Variants in TUT7 observed in about 807,000 individuals in gnomAD.
TUT7 encodes the protein terminal uridylyl transferase 7, also known as terminal uridylyltransferase 7.
A neutral mutation model predicts 165.9 loss-of-function variants in TUT7; 33 were observed. That is an observed-to-expected ratio of 0.20 (90% CI 0.15 to 0.27). TUT7 has a LOEUF of 0.27. TUT7 is among the 10% of genes least tolerant of loss of function. TUT7 has a pLI of 1.00. For missense variants in TUT7, 1,338 were observed against 1,762.3 expected (o/e 0.76, Z 4.31); for synonymous variants, 552 against 608.1 (o/e 0.91, Z 1.36).
At chr9:86,342,510 C>T (rs1048614108) in intron 6 of TUT7, among the ~76,000 whole-genome samples, 14 of 152,058 alleles carry the variant, frequency 9.2e-5, no homozygotes, top group Admixed American at 2.6e-4. Flanking sequence ...CTTCTGGGCT[C>T]GTGATCCTCC....
At position 86,345,736 on chromosome 9, in the gene TUT7, A is replaced by T. The variant is rs755077966; in HGVS notation, c.752T>A (p.Val251Asp). ...TAKYTCRLCD[V>D]LIESIAFAHK... ...GGCAAATGCAATGGATTCAATTAAAACATCACAGAGTCTGCAGGTGTACTT... is the reference window on the plus strand; with the variant it reads ...GGCAAATGCAATGGATTCAATTAAATCATCACAGAGTCTGCAGGTGTACTT... The change falls in exon 4 of 27, where the codon GTT becomes GAT. Residue 251 changes from valine (V) to aspartate (D), a missense_variant. Coordinates refer to ENST00000375963, the MANE Select transcript of TUT7 (RefSeq NM_024617.4). 6.2e-7 allele frequency: 1 copy of T among 1,613,742 alleles called. No individual in the cohort carries two copies. Among genetic ancestry groups the T allele is most frequent in the East Asian group, 2.2e-5 (1 of 44,860 alleles).
chr9:86,348,228 C>T (rs1831943480), intron 2 of TUT7, among the ~76,000 whole-genome samples: 1 of 152,182 alleles, frequency 6.6e-6, no homozygotes, highest in South Asian at 2.1e-4. Flanking sequence ...TGCTTTTATA[C>T]AGAAGTGGAT....
chr9:86,315,298 C>T (rs546326681), intron 17 of TUT7, among the ~76,000 whole-genome samples: 1 of 152,232 alleles, frequency 6.6e-6, no homozygotes, highest in South Asian at 2.1e-4. Context: ...CATCTGTGTG[C>T]CTAAGTCATT....
At chr9:86,325,696 T>C (rs1189798935) in intron 11 of TUT7, among the ~76,000 whole-genome samples, 182 bp from the exon 12 acceptor site, 1 of 152,234 alleles carries the variant, frequency 6.6e-6, no homozygotes, top group African/African-American at 2.4e-5. Flanking sequence ...ACAGCATTAC[T>C]TCACTGCACT....
chr9:86,352,168 C>T (rs945149808), intron 2 of TUT7, among the ~76,000 whole-genome samples: 2 of 152,070 alleles, frequency 1.3e-5, no homozygotes, highest in East Asian at 1.9e-4. Flanking sequence ...TTATCCATCT[C>T]GGGACACTGA....
At position 86,323,967 on chromosome 9, in the gene TUT7, T is replaced by C. The variant is rs1829559792; in HGVS notation, c.1790-7A>G. The C allele has an allele frequency of 1.3e-6, 2 of 1,517,618 alleles. No homozygotes were observed. The highest frequency in any genetic ancestry group is 1.4e-5 in the African/African-American group (1 of 71,156). 94.0% of individuals were successfully genotyped at this position (1,517,618 alleles called of 1,614,324 possible). A position where few individuals can be genotyped will look rare whatever the true frequency, so the allele number is the denominator to read the frequency against. ...CTTTTAACAGAGTAGGGATCTGTAA[T>C]AAAAAAAAGAAAGAAAGAAAAATCC... On this transcript the variant is annotated splice_region_variant and splice_polypyrimidine_tract_variant and intron_variant, in intron 12 of 26. Transcript: ENST00000375963.
At chr9:86,322,015 G>T (rs928989492) in intron 14 of TUT7, among the ~76,000 whole-genome samples, 3 of 152,000 alleles carry the variant, frequency 2.0e-5, no homozygotes, top group African/African-American at 4.8e-5. Flanking sequence ...GGTCGAGGCT[G>T]CAGTGACTCA....
chr9:86,326,324 C>G (rs1829795876), intron 11 of TUT7: 2 of 154,544 alleles, frequency 1.3e-5, no homozygotes, highest in African/African-American at 2.4e-5. Context: ...TATAATCTGT[C>G]TAAGTCTGGG....
intron 8 of TUT7, among the ~76,000 whole-genome samples, chr9:86,339,666 A>AGGCAGAGAGAGATAAACCAGAG (rs1257462311): frequency 4.6e-5 from 7 of 152,348 alleles, no homozygotes; most frequent in African/African-American, 1.4e-4. Context: ...TTTCACACAG[A>AGGCAGAGAGAGATAAACCAGAG]GGCAGAGAGA....
At position 86,323,497 on chromosome 9, in the gene TUT7, C is replaced by T; in HGVS notation, c.2253G>A (p.Glu751=). The T allele has an allele frequency of 6.2e-7, 1 of 1,614,212 alleles. No individual in the cohort carries two copies. Among genetic ancestry groups the T allele is most frequent in the Non-Finnish European group, 8.5e-7 (1 of 1,180,044 alleles). Residue 751 remains glutamate (E), a synonymous_variant, in exon 13 of 27, where the codon GAG becomes GAA. Transcript: ENST00000375963. ...TGCCCTTCCTTCCAACTTTCTCTTT[C>T]TCGTTTTTCCTTCCTGTTTCTGGAT... ...VYHPETGRKN[E]KEKVGRKGKH...
rs902875510 is a variant in TUT7 at position 86,311,699 on chromosome 9, C to T, written c.3275-890G>A. On this transcript the variant is annotated intron_variant, in intron 17 of 26. Transcript: ENST00000375963. The surrounding 1 kb of genome is among the most constrained non-coding windows in gnomAD (Gnocchi z 4.4). Reference sequence around the variant, plus strand: ...AAGCTGGACTGTACCGCTGCCATCTCGGCTCACTGCAACCTCCCTGCCTGA... The same window carrying T: ...AAGCTGGACTGTACCGCTGCCATCTTGGCTCACTGCAACCTCCCTGCCTGA... Among the ~76,000 whole-genome samples, 15 of 152,254 alleles carry T rather than the reference C, an allele frequency of 9.9e-5. 1 individual carries two copies. The highest frequency in any genetic ancestry group is 3.4e-4 in the African/African-American group (14 of 41,560).
intron 14 of TUT7, 34 bp downstream of exon 14, chr9:86,322,291 T>C: frequency 6.3e-7 from 1 of 1,588,268 alleles, no homozygotes; most frequent in Non-Finnish European, 8.6e-7. Context: ...CAATTTAATA[T>C]TTTGACAAAT....
At chr9:86,330,519 A>C (rs1168784598) in intron 10 of TUT7, among the ~76,000 whole-genome samples, 2 of 152,210 alleles carry the variant, frequency 1.3e-5, no homozygotes, top group Admixed American at 1.3e-4. Flanking sequence ...GTATGTATTC[A>C]ATATTTTTCT....
chr9:86,352,572 G>A lies in TUT7; in HGVS notation c.520+108C>T, dbSNP rs772318479. On this transcript the variant is annotated intron_variant, in intron 2 of 26. Transcript: ENST00000375963. ...GTGACCATTTCTTAAAACAGAAACT[G>A]TGAAAAACTGAAACTAAATTGCTGA... The A allele has an allele frequency of 1.5e-5, 20 of 1,311,826 alleles. No individual in the cohort carries two copies. In the South Asian group the frequency reaches 1.9e-4, roughly 13 times the overall value. The allele number at this position is 1,311,826 out of a possible 1,614,324, so 81.3% of individuals were successfully genotyped here.
rs148091829 is a variant in TUT7 at position 86,322,467 on chromosome 9, C to T, written c.2886G>A (p.Thr962=). The part of the protein sequence containing the change: ...KLIFTKGKSP[T]VVCSLCKREG... Reference sequence around the variant, plus strand: ...CTCGTTTGCATAAGCTGCACACTACCGTAGGAGACTGCAGGAATATGGCAA... The same window carrying T: ...CTCGTTTGCATAAGCTGCACACTACTGTAGGAGACTGCAGGAATATGGCAA... Residue 962 remains threonine, a synonymous_variant, in exon 14 of 27, where the codon ACG becomes ACA. Coordinates refer to ENST00000375963, the MANE Select transcript of TUT7 (RefSeq NM_024617.4). 6.2e-7 allele frequency: 1 copy of T among 1,609,440 alleles called. No homozygotes were observed. Among genetic ancestry groups the T allele is most frequent in the Non-Finnish European group, 8.5e-7 (1 of 1,178,744 alleles).
At position 86,322,954 on chromosome 9, in the gene TUT7, A is replaced by T. The variant is rs1829454004; in HGVS notation, c.2796T>A (p.Asn932Lys). 6.2e-7 allele frequency: 1 copy of T among 1,613,274 alleles called. No individual in the cohort carries two copies. Among genetic ancestry groups the T allele is most frequent in the Non-Finnish European group, 8.5e-7 (1 of 1,179,858 alleles). Residue 932 changes from asparagine to lysine, a missense_variant, in exon 13 of 27, where the codon AAT (asparagine) becomes AAA (lysine). Physicochemically the swap from Asn to Lys is moderately conservative, Grantham distance 94 (BLOSUM62 0). This residue lies in a region of TUT7 where 425 missense variants were observed against 474.9 expected (regional missense o/e 0.89). Coordinates refer to ENST00000375963, the MANE Select transcript of TUT7 (RefSeq NM_024617.4). Reference protein sequence around the residue: ...ELNKISLKEENVCEEKNSPVD... With the variant: ...ELNKISLKEEKVCEEKNSPVD... Reference sequence around the variant, plus strand: ...CAGGTGAATTTTTTTCTTCACATACATTTTCTTCCTTGAGACTTATTTTAT... The same window carrying T: ...CAGGTGAATTTTTTTCTTCACATACTTTTTCTTCCTTGAGACTTATTTTAT...
chr9:86,348,804 A>G (rs1341639654), intron 2 of TUT7, among the ~76,000 whole-genome samples: 1 of 152,086 alleles, frequency 6.6e-6, no homozygotes, highest in Non-Finnish European at 1.5e-5. Flanking sequence ...CCTTCTAACT[A>G]ACAACATAAA....
At chr9:86,306,399 C>T (rs1039646266) in intron 22 of TUT7, among the ~76,000 whole-genome samples, 8 of 152,142 alleles carry the variant, frequency 5.3e-5, no homozygotes, top group Non-Finnish European at 8.8e-5. Context: ...GAGAAGGTTA[C>T]CTTCATCAGT....
In TUT7 at chr9:86,311,593, T is replaced by TCTCCCC. The variant is rs1370567016; in HGVS notation, c.3275-790_3275-785dup. On this transcript the variant is annotated intron_variant, in intron 17 of 26. Transcript: ENST00000375963. The surrounding 1 kb of genome is among the most constrained non-coding windows in gnomAD (Gnocchi z 4.4). ...CTCCCTCTCCCTCTCCCCTCTTCCC[T>TCTCCCC]CTCCCCTCTCCCCACGGTCTCCCTC... Among the ~76,000 whole-genome samples, 68 of 150,440 alleles carry TCTCCCC rather than the reference T, an allele frequency of 4.5e-4. No homozygotes were observed. The highest frequency in any genetic ancestry group is 1.6e-3 in the African/African-American group (67 of 40,886).
Sources: allele counts gnomAD v4.1 joint callset (sites outside exome capture counted in the v4.1 genomes callset), GRCh38; gene constraint gnomAD v4.1.1; regional missense constraint gnomAD v4.1.1; non-coding constraint Gnocchi (gnomAD v3.1); transcripts MANE v1.5; gene names NCBI Gene and HGNC (gene_info 2026-07-23, HGNC 2026-07-21).